The following TNK2 variants were observed in gnomAD, a reference collection of about 807,000 sequenced individuals.
The protein encoded by TNK2 is tyrosine kinase non receptor 2.
Under a neutral mutation model 101.8 loss-of-function variants are expected in TNK2, and 83 were observed. That is an observed-to-expected ratio of 0.82 (90% confidence interval 0.68 to 0.98). The LOEUF (loss-of-function observed/expected upper bound fraction) is 0.98. TNK2 is among the 50% of genes least tolerant of loss of function. The pLI is 0.00. For synonymous variants in TNK2, 804 were observed against 633.0 expected, an observed-to-expected ratio of 1.27 and a Z score of -4.06; for missense variants, 1,665 against 1,483.2, an observed-to-expected ratio of 1.12 and a Z score of -2.01.
chr3:195,883,321 G>A lies in TNK2; in HGVS notation c.457-12C>T, dbSNP rs749699722. On this transcript the variant is annotated splice_polypyrimidine_tract_variant and intron_variant, in intron 4 of 15. Transcript: ENST00000672887. ...ACAGCCACACTCACCTGCCCAGAGC[G>A]GGATTTGCAAGGACTCAGGACTTGC... 1.8e-5 allele frequency: 29 copies of A among 1,612,286 alleles called. No homozygotes were observed. The highest frequency in any genetic ancestry group is 3.3e-5 in the South Asian group (3 of 91,078).
Position 195,885,125 on chromosome 3 carries a change from G to A in TNK2, c.235-92C>T, listed in dbSNP as rs928110497. 27 of 1,326,984 alleles carry A rather than the reference G, an allele frequency of 2.0e-5. No individual in the cohort carries two copies. Among genetic ancestry groups the A allele is most frequent in the Non-Finnish European group, 2.0e-6 (2 of 979,682 alleles). The allele number at this position is 1,326,984 out of a possible 1,614,324, so 82.2% of individuals were successfully genotyped here. A position where few individuals can be genotyped will look rare whatever the true frequency, so the allele number is the denominator to read the frequency against. Reference sequence around the variant, plus strand: ...CGCTGGGTCCACCTGGTGATCCCCGGCTTCGGCTTCCAGATAGGTCCTGGT... The same window carrying A: ...CGCTGGGTCCACCTGGTGATCCCCGACTTCGGCTTCCAGATAGGTCCTGGT... On this transcript the variant is annotated intron_variant, in intron 3 of 15. Transcript: ENST00000672887. The surrounding 1 kb of genome is among the most constrained non-coding windows in gnomAD (Gnocchi z 4.7).
At chr3:195,869,704 G>A (rs779258911) in intron 11 of TNK2, 163 bp from the exon 12 acceptor site, 42 of 722,638 alleles carry the variant, frequency 5.8e-5, no homozygotes, top group Admixed American at 1.5e-4. Flanking sequence ...GGCCGCAGGC[G>A]GCAGGATGAG....
intron 1 of TNK2, among the ~76,000 whole-genome samples, chr3:195,900,538 G>A (rs919653627): frequency 3.3e-5 from 5 of 152,294 alleles, no homozygotes; most frequent in East Asian, 3.9e-4. Context: ...GCTGAAGACC[G>A]GAGTGTCAAC....
intron 15 of TNK2, among the ~76,000 whole-genome samples, chr3:195,865,437 C>T (rs1488545837): frequency 3.4e-5 from 5 of 145,592 alleles, no homozygotes; most frequent in Middle Eastern, 7.5e-3. Flanking sequence ...AAGAATGACC[C>T]GAGACAGGAT....
rs759487536 is a variant in TNK2, at chr3:195,878,759, C to A, written c.1015-167G>T. On this transcript the variant is annotated intron_variant, in intron 7 of 15. Transcript: ENST00000672887. The surrounding 1 kb of genome is among the most constrained non-coding windows in gnomAD (Gnocchi z 4.7). ...GCCCTCTCCAGAGCCCCAGTCCCTT[C>A]TTCCCAGGTCTGGAGCCTCGGAACA... is the stretch of plus-strand genomic sequence containing the variant. Among the ~76,000 whole-genome samples the A allele has an allele frequency of 6.6e-6, 1 of 152,234 alleles. No individual in the cohort carries two copies. The highest frequency in any genetic ancestry group is 1.5e-5 in the Non-Finnish European group (1 of 68,040).
Position 195,893,553 on chromosome 3 carries a change from C to CT in TNK2, c.-18-4948_-18-4947insA, listed in dbSNP as rs532804426. 1.7e-3 allele frequency among the ~76,000 whole-genome samples: 257 copies of CT among 152,280 alleles called. 1 individual carries two copies. Among genetic ancestry groups the CT allele is most frequent in the African/African-American group, 5.8e-3 (242 of 41,546 alleles). ...CAGATTAAGGGGCCTAGAGACACTC[C>CT]ATCAAGCCCCCGTGGGGCCCTCATG... On this transcript the variant is annotated intron_variant, in intron 1 of 15. Transcript: ENST00000672887.
At position 195,864,203 on chromosome 3, in the gene TNK2, C is replaced by A; in HGVS notation, c.3162-16G>T. Reference sequence around the variant, plus strand: ...ATCTCAGCGCCTAGAGAATGGGAAACCACCAGCACAGTTAAACAGTTTACA... The same window carrying A: ...ATCTCAGCGCCTAGAGAATGGGAAAACACCAGCACAGTTAAACAGTTTACA... On this transcript the variant is annotated splice_polypyrimidine_tract_variant and intron_variant, in intron 15 of 15. Coordinates refer to ENST00000672887, the MANE Select transcript of TNK2 (RefSeq NM_001382273.1). 6.2e-7 allele frequency: 1 copy of A among 1,614,012 alleles called. No individual in the cohort carries two copies.
Position 195,886,989 on chromosome 3 carries a change from C to G in TNK2, c.222G>C (p.Ser74=), listed in dbSNP as rs779149820. 1.2e-6 allele frequency: 2 copies of G among 1,614,068 alleles called. No individual in the cohort carries two copies. The highest frequency in any genetic ancestry group is 1.7e-6 in the Non-Finnish European group (2 of 1,179,954). ...KRRKALCKRK[S]WMSKVFSGKR... ...CCTCCTCACCCACCTTACTCATCCA[C>G]GACTTGCGTTTGCACAAGGCCTTCC... The change falls in exon 3 of 16, where the codon TCG becomes TCC. Residue 74 remains serine (S), a synonymous_variant. Transcript: ENST00000672887. The surrounding 1 kb of genome is among the most constrained non-coding windows in gnomAD (Gnocchi z 4.2).
chr3:195,869,946 T>C, intron 11 of TNK2, 168 bp downstream of exon 11: 1 of 593,728 alleles, frequency 1.7e-6, no homozygotes. Flanking sequence ...CAGCTGCCTG[T>C]CTTCCACCCC....
intron 15 of TNK2, among the ~76,000 whole-genome samples, chr3:195,866,287 G>A (rs1006640107): frequency 2.0e-5 from 3 of 151,858 alleles, no homozygotes; most frequent in Non-Finnish European, 2.9e-5. Context: ...AGCAACCTCC[G>A]CCTCCCAGGT....
intron 11 of TNK2, 113 bp downstream of exon 11, chr3:195,870,001 T>C: frequency 1.2e-6 from 1 of 832,968 alleles, no homozygotes; most frequent in Non-Finnish European, 1.8e-6. Flanking sequence ...CCTGCTGCCC[T>C]GACCCCACTG....
rs575577391 is a variant in TNK2 at position 195,869,146 on chromosome 3, A to G, written c.1588+351T>C. On this transcript the variant is annotated intron_variant, in intron 12 of 15. Coordinates refer to ENST00000672887, the MANE Select transcript of TNK2 (RefSeq NM_001382273.1). The stretch of plus-strand genomic sequence containing the variant: ...TATAAGGACTATCCTTGGAGAGGAC[A>G]GTACTCCTGACCAACGGCCACAAAG... 128 of 532,374 alleles carry G rather than the reference A, an allele frequency of 2.4e-4. No individual in the cohort carries two copies. In the East Asian group the frequency reaches 4.1e-3, roughly 17 times the overall value. 33.0% of individuals were successfully genotyped at this position (532,374 alleles called of 1,614,324 possible). A position where few individuals can be genotyped will look rare whatever the true frequency, so the allele number is the denominator to read the frequency against.
intron 1 of TNK2, among the ~76,000 whole-genome samples, chr3:195,902,399 C>T (rs998883720): frequency 2.6e-5 from 4 of 152,120 alleles, no homozygotes; most frequent in African/African-American, 9.7e-5. Context: ...GGGCGAATCA[C>T]TTGAGGTCAG....
chr3:195,868,250 G>T lies in TNK2; in HGVS notation c.2048C>A (p.Thr683Asn). The change falls in exon 13 of 16, where the codon ACC (threonine) becomes AAC (asparagine). Residue 683 changes from threonine to asparagine, a missense_variant. Coordinates refer to ENST00000672887, the MANE Select transcript of TNK2 (RefSeq NM_001382273.1). ...CTGCTCAGGCACAAAGGCGTAGTTG[G>T]TCTGGCCCTGGCTGGGCCCGGCAGG... Reference protein sequence around the residue: ...GVPAGPSQGQTNYAFVPEQAR... With the variant: ...GVPAGPSQGQNNYAFVPEQAR... 1.2e-6 allele frequency: 2 copies of T among 1,605,156 alleles called. No homozygotes were observed. Among genetic ancestry groups the T allele is most frequent in the Non-Finnish European group, 1.7e-6 (2 of 1,179,540 alleles).
intron 1 of TNK2, chr3:195,895,626 G>A (rs898328996): frequency 2.5e-5 from 32 of 1,284,832 alleles, no homozygotes; most frequent in Non-Finnish European, 3.0e-5. Context: ...CCCCCACCGA[G>A]AGCCGGGGCT....
intron 1 of TNK2, among the ~76,000 whole-genome samples, chr3:195,898,101 C>T (rs947379120): frequency 3.3e-5 from 5 of 152,004 alleles, no homozygotes; most frequent in Non-Finnish European, 7.4e-5. Flanking sequence ...TCTGCTTCTG[C>T]GCTCCTGTAT....
At chr3:195,865,099 G>A (rs1469874974) in intron 15 of TNK2, among the ~76,000 whole-genome samples, 1 of 142,808 alleles carries the variant, frequency 7.0e-6, no homozygotes, top group East Asian at 2.2e-4. Context: ...GTGCAAATCA[G>A]TAAGAACCAC....
chr3:195,895,217 T>C (rs1198860230), intron 1 of TNK2: 6 of 1,486,512 alleles, frequency 4.0e-6, no homozygotes, highest in Non-Finnish European at 4.5e-6. Flanking sequence ...GGCCCAGGTA[T>C]CTGGCTATCC....
In TNK2 at chr3:195,885,552, G is replaced by A. The variant is rs1460581244; in HGVS notation, c.235-519C>T. The A allele has an allele frequency of 2.3e-6, 3 of 1,291,028 alleles. No homozygotes were observed. The highest frequency in any genetic ancestry group is 3.0e-6 in the Non-Finnish European group (3 of 989,820). The allele number at this position is 1,291,028 out of a possible 1,614,324, so 80.0% of individuals were successfully genotyped here. A position where few individuals can be genotyped will look rare whatever the true frequency, so the allele number is the denominator to read the frequency against. On this transcript the variant is annotated intron_variant, in intron 3 of 15. Transcript: ENST00000672887. This position sits in a 1 kb window ranked among gnomAD's most constrained non-coding sequence, Gnocchi z 4.7. ...GTCGGCTGCCCTTCATCCTGCCCAG[G>A]GGAGAGGATAATTTTAGTCTGAGGT... is the stretch of plus-strand genomic sequence containing the variant.
Sources: gnomAD v4.1 joint callset for allele counts (sites outside exome capture counted in the v4.1 genomes callset) on GRCh38, gnomAD v4.1.1 for gene constraint, Gnocchi (gnomAD v3.1) non-coding constraint, MANE v1.5 for transcripts, NCBI Gene and HGNC (gene_info 2026-07-23, HGNC 2026-07-21) for gene names.